CNBD2: variants seen among roughly 807,000 people sequenced by gnomAD.
CNBD2 encodes the protein cyclic nucleotide binding domain containing 2.
CNBD2 carries 64 observed loss-of-function variants against 63.7 expected under a neutral mutation model. The ratio of observed to expected loss-of-function variants is 1.00; its 90% CI spans 0.82 to 1.24. CNBD2 has a LOEUF of 1.24. Ranked by LOEUF, CNBD2 falls within the 50% of genes most tolerant of loss-of-function variation. The pLI is 0.00. For missense variants in CNBD2, 691 were observed against 713.5 expected (o/e 0.97, Z 0.36); for synonymous variants, 229 against 255.4 (o/e 0.90, Z 0.99).
chr20:36,012,929 G>GAGAT (rs1439602773), intron 10 of CNBD2, among the ~76,000 whole-genome samples: 2 of 151,438 alleles, frequency 1.3e-5, no homozygotes, highest in Non-Finnish European at 2.9e-5. Context: ...AAACACTATA[G>GAGAT]AGATAGTAAA....
Position 35,975,525 on chromosome 20 carries a change from C to A in CNBD2, c.190-424C>A, listed in dbSNP as rs560695473. On this transcript the variant is annotated intron_variant, in intron 2 of 11. Coordinates refer to ENST00000373973, the MANE Select transcript of CNBD2 (RefSeq NM_001365709.1). The stretch of plus-strand genomic sequence containing the variant: ...CCTTGTTAGCCAGGATGGTCTCGAT[C>A]TCCTGACCTCGTGATCCGCCCACCT... Among the ~76,000 whole-genome samples the A allele has an allele frequency of 6.0e-5, 9 of 150,426 alleles. No individual in the cohort carries two copies. The South Asian group carries it at 1.9e-3, about 32-fold the overall frequency.
rs1172564083 is a variant in CNBD2, at chr20:35,980,616, T to C, written c.401T>C (p.Phe134Ser). The stretch of plus-strand genomic sequence containing the variant: ...CTGCTCCTGGCCAAAGTCATGCGCT[T>C]TGAACGGTCAGTGAGGGGCACAGCC... Reference protein sequence around the residue: ...LQLLLAKVMRFERFGRRRVII... With the variant: ...LQLLLAKVMRSERFGRRRVII... Residue 134 changes from phenylalanine to serine, a missense_variant, in exon 4 of 12, where the codon TTT becomes TCT. Physicochemically the swap from Phe to Ser is radical, Grantham distance 155 (BLOSUM62 -2). Coordinates refer to ENST00000373973, the MANE Select transcript of CNBD2 (RefSeq NM_001365709.1). 1 of 1,613,230 alleles carries C rather than the reference T, an allele frequency of 6.2e-7. No individual in the cohort carries two copies. Among genetic ancestry groups the C allele is most frequent in the South Asian group, 1.1e-5 (1 of 91,022 alleles).
At chr20:36,008,110 C>T (rs1422247247) in intron 8 of CNBD2, among the ~76,000 whole-genome samples, 187 bp from the exon 9 acceptor site, 3 of 152,020 alleles carry the variant, frequency 2.0e-5, no homozygotes, top group African/African-American at 7.2e-5. Context: ...AAGGCTCTAG[C>T]GCAGGGCCTG....
intron 10 of CNBD2, among the ~76,000 whole-genome samples, chr20:36,022,168 C>T (rs189849925): frequency 9.3e-5 from 14 of 149,866 alleles, no homozygotes; most frequent in African/African-American, 3.2e-4. Context: ...GCCACCATCA[C>T]CATGCCCGGC....
chr20:35,995,225 G>A lies in CNBD2; in HGVS notation c.970+73G>A, dbSNP rs1236127650. 4 of 1,017,110 alleles carry A rather than the reference G, an allele frequency of 3.9e-6. No individual in the cohort carries two copies. In the African/African-American group the frequency reaches 4.8e-5, roughly 12 times the overall value. 63.0% of individuals were successfully genotyped at this position (1,017,110 alleles called of 1,614,324 possible). The stretch of plus-strand genomic sequence containing the variant: ...CTGTTTCCAGTTCCCAGCACATAGA[G>A]CCTTAGAAATCTAGTCAGCCAGCCT... On this transcript the variant is annotated intron_variant, in intron 8 of 11. Coordinates refer to ENST00000373973, the MANE Select transcript of CNBD2 (RefSeq NM_001365709.1).
At chr20:35,960,549 C>T (rs945452707) in intron 2 of CNBD2, among the ~76,000 whole-genome samples, 8 of 152,312 alleles carry the variant, frequency 5.3e-5, no homozygotes, top group Admixed American at 1.3e-4. Flanking sequence ...GACAGGGTCT[C>T]GCTATGTTGC....
At chr20:36,008,202 C>T (rs968323642) in intron 8 of CNBD2, 95 bp from the exon 9 acceptor site, 29 of 1,018,106 alleles carry the variant, frequency 2.8e-5, no homozygotes, top group Non-Finnish European at 3.9e-5. Flanking sequence ...CTAGACCATC[C>T]AGGCAGGTTC....
chr20:35,994,984 C>A (rs1393584843), intron 7 of CNBD2, 54 bp from the exon 8 acceptor site: 4 of 1,228,308 alleles, frequency 3.3e-6, no homozygotes, highest in Non-Finnish European at 3.6e-6. Flanking sequence ...CAAAGCCTGG[C>A]CTACCTGGAG....
chr20:36,008,400 A>G lies in CNBD2; in HGVS notation c.1074A>G (p.Leu358=). ...CACATCTCAAAAAAGCCTGGGGGCT[A>G]CAGGGGACAAGCTTCAGCAGGAAGA... is the stretch of plus-strand genomic sequence containing the variant. ...KLPHLKKAWG[L]QGTSFSRKIR... is the part of the protein sequence containing the mutation. Residue 358 remains leucine, a synonymous_variant, in exon 9 of 12, where the codon CTA becomes CTG. Transcript: ENST00000373973. The G allele has an allele frequency of 6.2e-7, 1 of 1,614,166 alleles. No homozygotes were observed. Among genetic ancestry groups the G allele is most frequent in the Non-Finnish European group, 8.5e-7 (1 of 1,180,032 alleles).
At chr20:35,996,491 A>C (rs897852615) in intron 8 of CNBD2, among the ~76,000 whole-genome samples, 2 of 151,094 alleles carry the variant, frequency 1.3e-5, no homozygotes, top group East Asian at 3.9e-4. Context: ...CATAATTCTC[A>C]TAATAGCTCT....
chr20:36,013,986 C>A (rs988227150), intron 10 of CNBD2, among the ~76,000 whole-genome samples: 2 of 151,946 alleles, frequency 1.3e-5, no homozygotes, highest in Non-Finnish European at 2.9e-5. Context: ...TCGAGACCAT[C>A]CTGGCTAACA....
chr20:35,994,972 T>C (rs1195178523), intron 7 of CNBD2, 66 bp from the exon 8 acceptor site: 1 of 1,101,318 alleles, frequency 9.1e-7, no homozygotes, highest in Non-Finnish European at 1.4e-6. Context: ...AGAGATTTTC[T>C]TCAAAGCCTG....
At chr20:35,963,307 C>T (rs931315182) in intron 2 of CNBD2, among the ~76,000 whole-genome samples, 1 of 150,654 alleles carries the variant, frequency 6.6e-6, no homozygotes, top group African/African-American at 2.5e-5. Context: ...TGCCACTGCA[C>T]TCTGGCCTAG....
intron 8 of CNBD2, 95 bp from the exon 9 acceptor site, chr20:36,008,202 C>A: frequency 9.8e-7 from 1 of 1,018,220 alleles, no homozygotes; most frequent in Non-Finnish European, 1.4e-6. Flanking sequence ...CTAGACCATC[C>A]AGGCAGGTTC....
intron 7 of CNBD2, among the ~76,000 whole-genome samples, chr20:35,993,312 C>T (rs2056774231): frequency 6.6e-6 from 1 of 152,132 alleles, no homozygotes; most frequent in South Asian, 2.1e-4. Flanking sequence ...AGACAAAATC[C>T]CCCCACAAAG....
chr20:35,980,516 G>T lies in CNBD2; in HGVS notation c.301G>T (p.Glu101Ter). ...IMQKKPSWRT[E>*]DEIQAVCNIL... ...GCAGAAGAAGCCTTCCTGGAGAACA[G>T]AGGATGAGATCCAGGCCGTCTGTAA... The change falls in exon 4 of 12, where the codon GAG becomes TAG. Residue 101 changes from glutamate (E) to a stop codon, truncating the protein, a stop_gained. Transcript: ENST00000373973. LOFTEE classifies it high-confidence loss of function. 6.2e-7 allele frequency: 1 copy of T among 1,614,194 alleles called. No homozygotes were observed. Among genetic ancestry groups the T allele is most frequent in the Non-Finnish European group, 8.5e-7 (1 of 1,180,010 alleles).
downstream of CNBD2, among the ~76,000 whole-genome samples, chr20:35,957,355 G>T (rs1314353894): frequency 2.6e-5 from 4 of 152,106 alleles, no homozygotes; most frequent in East Asian, 7.7e-4. Context: ...GGGAGGCATA[G>T]GCAGGCGGAT....
At chr20:36,025,957 A>G (rs1033462174) in intron 11 of CNBD2, among the ~76,000 whole-genome samples, 3 of 152,220 alleles carry the variant, frequency 2.0e-5, no homozygotes, top group African/African-American at 4.8e-5. Flanking sequence ...ATAAATATAA[A>G]TGAAATCCTA....
intron 10 of CNBD2, among the ~76,000 whole-genome samples, chr20:36,014,512 G>C (rs1412337410): frequency 6.6e-6 from 1 of 151,898 alleles, no homozygotes; most frequent in African/African-American, 2.4e-5. Context: ...TGTATTTTTA[G>C]TAGAGACGGG....
Sources: allele counts gnomAD v4.1 joint callset (sites outside exome capture counted in the v4.1 genomes callset), GRCh38; gene constraint gnomAD v4.1.1; transcripts MANE v1.5; gene names NCBI Gene and HGNC (gene_info 2026-07-23, HGNC 2026-07-21).